The following RGS3 variants were observed in gnomAD, a reference collection of about 807,000 sequenced individuals.
RGS3 encodes regulator of G protein signaling 3.
Under a neutral mutation model 132.6 loss-of-function variants are expected in RGS3, and 80 were observed. The ratio of observed to expected loss-of-function variants is 0.60; its 90% CI spans 0.50 to 0.73. The LOEUF (loss-of-function observed/expected upper bound fraction) is 0.73, where lower values mean the gene tolerates loss of function less well. Among genes scored for constraint, RGS3 ranks in the 30% least tolerant of loss-of-function variants. The pLI is 0.00. For missense variants in RGS3, 1,382 were observed against 1,530.8 expected (o/e 0.90, Z 1.62); for synonymous variants, 598 against 620.6 (o/e 0.96, Z 0.54).
chr9:113,468,201 C>G (rs1406089404), intron 3 of RGS3, among the ~76,000 whole-genome samples: 3 of 152,116 alleles, frequency 2.0e-5, no homozygotes, highest in African/African-American at 7.2e-5. Context: ...ATATTTAGGT[C>G]TTTGATCCAC....
exon 9 of RGS3, chr9:113,497,398 C>T: frequency 6.2e-7 from 1 of 1,613,084 alleles, no homozygotes. Context: ...ACTGCGGCCG[C>T]TGAGAGGTAC....
chr9:113,541,375 A>G (rs150001066), intron 19 of RGS3: 56 of 1,613,736 alleles, frequency 3.5e-5, no homozygotes, highest in Middle Eastern at 1.6e-4. Context: ...AACTCAACCA[A>G]TGCCACCCAG....
intron 3 of RGS3, among the ~76,000 whole-genome samples, chr9:113,475,962 C>G (rs919456821): frequency 1.3e-5 from 2 of 151,666 alleles, no homozygotes; most frequent in African/African-American, 4.9e-5. Flanking sequence ...ACAGGTCTCA[C>G]GCTGTTCCCC....
intron 19 of RGS3, among the ~76,000 whole-genome samples, chr9:113,552,560 C>T (rs1833385461): frequency 1.3e-5 from 2 of 152,098 alleles, no homozygotes; most frequent in South Asian, 2.1e-4. Flanking sequence ...CCTCGTAATC[C>T]GTCCGACTCG....
intron 17 of RGS3, among the ~76,000 whole-genome samples, chr9:113,524,460 A>C (rs7025745): frequency 2.0e-5 from 3 of 152,094 alleles, no homozygotes; most frequent in Non-Finnish European, 4.4e-5. Context: ...ACAAGGCTGA[A>C]GCTATAACCC....
chr9:113,507,683 G>T lies in RGS3; in HGVS notation c.1437+45G>T. 1 of 1,405,478 alleles carries T rather than the reference G, an allele frequency of 7.1e-7. No homozygotes were observed. The highest frequency in any genetic ancestry group is 1.7e-5 in the South Asian group (1 of 59,954). The allele number at this position is 1,405,478 out of a possible 1,614,324, so 87.1% of individuals were successfully genotyped here. A position where few individuals can be genotyped will look rare whatever the true frequency, so the allele number is the denominator to read the frequency against. On this transcript the variant is annotated intron_variant, in intron 13 of 24. Coordinates refer to ENST00000350696, the Ensembl canonical transcript of RGS3. This position sits in a 1 kb window ranked among gnomAD's most constrained non-coding sequence, Gnocchi z 5.0. ...GGAAGGTGAAGGGTACTGGGTCCCT[G>T]TGGGAGGCCAGGAAGACTTGAAGAC...
At position 113,506,936 on chromosome 9, in the gene RGS3, T is replaced by C. The variant is rs1354746566; in HGVS notation, c.1086-351T>C. On this transcript the variant is annotated intron_variant, in intron 12 of 24. Transcript: ENST00000350696. This position sits in a 1 kb window ranked among gnomAD's most constrained non-coding sequence, Gnocchi z 4.7. ...GATGGCCCCATTTTAGGTCTGCTTC[T>C]GGAATAACCAGATGAGGGCTTGCAC... 6.6e-6 allele frequency among the ~76,000 whole-genome samples: 1 copy of C among 152,234 alleles called. No homozygotes were observed. The highest frequency in any genetic ancestry group is 6.5e-5 in the Admixed American group (1 of 15,292).
At chr9:113,522,317 G>C (rs1318061902) in intron 16 of RGS3, 1 of 152,260 alleles carries the variant, frequency 6.6e-6, no homozygotes, top group African/African-American at 2.4e-5. Context: ...TACTAGGTCT[G>C]CAAAAAGCTC....
At chr9:113,490,793 C>T (rs1488058645) in intron 7 of RGS3, among the ~76,000 whole-genome samples, 7 of 118,536 alleles carry the variant, frequency 5.9e-5, no homozygotes, top group African/African-American at 1.4e-4. Context: ...AATTATATAT[C>T]GTTATATATA....
intron 23 of RGS3, chr9:113,595,380 A>T (rs1003055985): frequency 5.2e-6 from 3 of 575,868 alleles, no homozygotes; most frequent in Non-Finnish European, 6.2e-6. Context: ...TTCACAGATG[A>T]AGACACTGAG....
chr9:113,489,504 T>C (rs1023344196), intron 7 of RGS3, among the ~76,000 whole-genome samples: 11 of 152,142 alleles, frequency 7.2e-5, no homozygotes, highest in African/African-American at 2.7e-4. Context: ...CTCAGGGTGC[T>C]TCTCTTTGCA....
In RGS3 at chr9:113,507,560, C is replaced by T. The variant is rs540319656; in HGVS notation, c.1359C>T (p.Thr453=). The change falls in exon 13 of 25, where the codon ACC becomes ACT. Residue 453 remains threonine, a synonymous_variant. Transcript: ENST00000350696. The surrounding 1 kb of genome is among the most constrained non-coding windows in gnomAD (Gnocchi z 5.0). ...TGGCCAAGCGCGGGGGCCAGCACAC[C>T]CTGCCTGCACTGTCCCGTGCCACTG... 3.8e-6 allele frequency: 6 copies of T among 1,572,822 alleles called. No individual in the cohort carries two copies. In the African/African-American group the frequency reaches 6.7e-5, roughly 18 times the overall value.
rs577850694 is a variant in RGS3, at chr9:113,467,893, TA to T, written c.415+5700del. On this transcript the variant is annotated intron_variant, in intron 3 of 24. Coordinates refer to ENST00000350696, the Ensembl canonical transcript of RGS3. ...CCATGCCTGGCTAATTTTTCTTATG[TA>T]AAAAAAACTTTTTGTAGAGATGAGG... Among the ~76,000 whole-genome samples, 286 of 152,154 alleles carry T rather than the reference TA, an allele frequency of 1.9e-3. 2 individuals are homozygous for T. Among genetic ancestry groups the T allele is most frequent in the African/African-American group, 6.6e-3 (274 of 41,524 alleles).
At chr9:113,527,708 C>A (rs1052761181) in intron 17 of RGS3, among the ~76,000 whole-genome samples, 2 of 152,170 alleles carry the variant, frequency 1.3e-5, no homozygotes, top group Non-Finnish European at 2.9e-5. Flanking sequence ...GGGGGCCTGG[C>A]CTTCACCCAC....
At chr9:113,479,887 C>G (rs968924379) in intron 4 of RGS3, among the ~76,000 whole-genome samples, 1 of 152,100 alleles carries the variant, frequency 6.6e-6, no homozygotes, top group Admixed American at 6.5e-5. Flanking sequence ...TTCTTCTTTT[C>G]TCTATTTTTC....
chr9:113,479,886 T>C (rs1185185359), intron 4 of RGS3, among the ~76,000 whole-genome samples: 1 of 152,142 alleles, frequency 6.6e-6, no homozygotes, highest in Non-Finnish European at 1.5e-5. Flanking sequence ...TTTCTTCTTT[T>C]CTCTATTTTT....
At chr9:113,568,728 C>T (rs1407181811) in intron 19 of RGS3, among the ~76,000 whole-genome samples, 1 of 152,254 alleles carries the variant, frequency 6.6e-6, no homozygotes, top group Non-Finnish European at 1.5e-5. Context: ...AACCATCATT[C>T]CTCCCAGGAA....
chr9:113,574,952 A>G (rs1206483804), intron 19 of RGS3, among the ~76,000 whole-genome samples: 1 of 152,100 alleles, frequency 6.6e-6, no homozygotes, highest in Non-Finnish European at 1.5e-5. Context: ...TTCAGAGAAG[A>G]GAGCTGGAGG....
rs1588150508 is a variant in RGS3 at position 113,485,556 on chromosome 9, CT to C, written c.621-68del. The C allele has an allele frequency of 4.0e-6, 5 of 1,252,034 alleles. No individual in the cohort carries two copies. In the East Asian group the frequency reaches 9.8e-5, roughly 25 times the overall value. The allele number at this position is 1,252,034 out of a possible 1,614,324, so 77.6% of individuals were successfully genotyped here. On this transcript the variant is annotated intron_variant, in intron 6 of 24. Transcript: ENST00000350696. ...TCCACATTTTTGGAATTATGACTGA[CT>C]CTATGAGTCAGCTATGGCCTGGAGC...
Sources: allele counts gnomAD v4.1 joint callset (sites outside exome capture counted in the v4.1 genomes callset), GRCh38; gene constraint gnomAD v4.1.1; non-coding constraint Gnocchi (gnomAD v3.1); transcripts MANE v1.5; gene names NCBI Gene and HGNC (gene_info 2026-07-23, HGNC 2026-07-21).